Variants in IL1RAPL1 observed in about 807,000 individuals in gnomAD.
IL1RAPL1 encodes interleukin 1 receptor accessory protein like 1, also known as interleukin-1 receptor accessory protein-like 1.
IL1RAPL1 carries 3 observed loss-of-function variants against 48.4 expected under a neutral mutation model. The observed-to-expected ratio is 0.06, with a 90% CI of 0.03 to 0.16. The LOEUF is 0.16. IL1RAPL1 is among the 10% of genes least tolerant of loss of function. The pLI is 1.00. For missense variants in IL1RAPL1, 349 were observed against 530.6 expected (o/e 0.66, Z 3.36); for synonymous variants, 185 against 187.7 (o/e 0.99, Z 0.12).
intron 6 of IL1RAPL1, among the ~76,000 whole-genome samples, chrX:29,842,391 G>T (rs1434763732): frequency 9.0e-6 from 1 of 111,698 alleles, no homozygotes; most frequent in Non-Finnish European, 1.9e-5. Context: ...ATGAATTCAG[G>T]CTGTGGAAAT....
In IL1RAPL1 at chrX:29,302,451, C is replaced by T. The variant is rs1269436243; in HGVS notation, c.362+19234C>T. Among the ~76,000 whole-genome samples the T allele has an allele frequency of 1.3e-4, 15 of 111,594 alleles. No individual in the cohort carries two copies. The Admixed American group carries it at 1.4e-3, about 11-fold the overall frequency. The stretch of plus-strand genomic sequence containing the variant: ...GTTCTGATACAGAAGTAAAACTTAC[C>T]TGGATGAAATAAGGAGATGAAAAAG... On this transcript the variant is annotated intron_variant, in intron 3 of 10. Transcript: ENST00000378993.
At chrX:28,665,030 T>C (rs1262615217) in intron 1 of IL1RAPL1, among the ~76,000 whole-genome samples, 1 of 112,283 alleles carries the variant, frequency 8.9e-6, no homozygotes, top group Non-Finnish European at 1.9e-5. Flanking sequence ...AAATAAATAA[T>C]GTCCATTGAA....
chrX:28,815,839 G>GTATATATATATATATA (rs61436993), intron 2 of IL1RAPL1, among the ~76,000 whole-genome samples: 13 of 29,103 alleles, frequency 4.5e-4, no homozygotes, highest in Admixed American at 1.4e-3. Context: ...GTGTGTTTAT[G>GTATATATATATATATA]TATATATATA....
chrX:29,138,732 C>G (rs1483529179), intron 2 of IL1RAPL1, among the ~76,000 whole-genome samples: 16 of 104,805 alleles, frequency 1.5e-4, no homozygotes, highest in African/African-American at 5.6e-4. Flanking sequence ...AGCTGAGATC[C>G]CGCCACTGCA....
At chrX:29,191,327 A>G (rs1256934394) in intron 2 of IL1RAPL1, among the ~76,000 whole-genome samples, 3 of 111,992 alleles carry the variant, frequency 2.7e-5, no homozygotes, top group Non-Finnish European at 5.6e-5. Flanking sequence ...GTATTGGGCT[A>G]TTGTTCCTCA....
rs868613900 is a variant in IL1RAPL1 at position 29,282,991 on chromosome X, G to A, written c.136G>A (p.Gly46Arg). ...TATCAAGAAATATCAAGTTTTGGTG[G>A]GAGAGCCTGTTCGAATCAAATGTGC... ...IDIKKYQVLV[G>R]EPVRIKCALF... Residue 46 changes from glycine to arginine, a missense_variant, in exon 3 of 11, where the codon GGA becomes AGA. By Grantham distance (125) the Gly-to-Arg change is moderately radical. This residue lies in a region of IL1RAPL1 where 238 missense variants were observed against 337.8 expected (regional missense o/e 0.70). Transcript: ENST00000378993. 8 of 1,208,559 alleles carry A rather than the reference G, an allele frequency of 6.6e-6. No individual in the cohort carries two copies. Among genetic ancestry groups the A allele is most frequent in the Admixed American group, 4.4e-5 (2 of 45,686 alleles).
At chrX:29,782,888 A>T (rs113976643) in intron 6 of IL1RAPL1, among the ~76,000 whole-genome samples, 1,198 of 31,124 alleles carry the variant, frequency 0.038, 40 homozygotes, top group African/African-American at 0.13. Flanking sequence ...TGATCGTGAC[A>T]TTTTTTTTTT....
In IL1RAPL1 at chrX:29,162,255, C is replaced by T. The variant is rs781471615; in HGVS notation, c.83-120683C>T. 8.1e-5 allele frequency among the ~76,000 whole-genome samples: 9 copies of T among 110,971 alleles called. No homozygotes were observed. The East Asian group carries it at 2.6e-3, about 32-fold the overall frequency. On this transcript the variant is annotated intron_variant, in intron 2 of 10. Transcript: ENST00000378993. ...AGAGCATTAGGACAAATAGCTAATG[C>T]ATGTGGGCTTAAAACCTAGATGATG... is the stretch of plus-strand genomic sequence containing the variant.
chrX:28,987,543 TCTTTA>T (rs1282355843), intron 2 of IL1RAPL1, among the ~76,000 whole-genome samples: 1 of 111,659 alleles, frequency 9.0e-6, no homozygotes, highest in African/African-American at 3.3e-5. Context: ...CACTTGCATT[TCTTTA>T]CTTGAACTAT....
At chrX:29,008,602 A>G (rs923644045) in intron 2 of IL1RAPL1, among the ~76,000 whole-genome samples, 4 of 112,599 alleles carry the variant, frequency 3.6e-5, no homozygotes, top group Non-Finnish European at 5.6e-5. Flanking sequence ...TTATTTTTCA[A>G]TTAAAAGTAC....
At chrX:29,207,253 G>C (rs1225562480) in intron 2 of IL1RAPL1, among the ~76,000 whole-genome samples, 1 of 111,961 alleles carries the variant, frequency 8.9e-6, no homozygotes. Context: ...AGTCATCAAA[G>C]ATAAAGTAAA....
intron 4 of IL1RAPL1, among the ~76,000 whole-genome samples, chrX:29,397,971 G>T (rs886361543): frequency 2.7e-5 from 3 of 111,716 alleles, no homozygotes; most frequent in Non-Finnish European, 5.6e-5. Flanking sequence ...CAATAATTTT[G>T]ACCTTAAGCT....
intron 6 of IL1RAPL1, among the ~76,000 whole-genome samples, chrX:29,863,754 AG>A (rs1224815461): frequency 9.0e-6 from 1 of 111,310 alleles, no homozygotes; most frequent in African/African-American, 3.3e-5. Flanking sequence ...AATTACCTGA[AG>A]GACTTGTTTC....
intron 6 of IL1RAPL1, among the ~76,000 whole-genome samples, chrX:29,834,366 T>C (rs1161770172): frequency 9.0e-6 from 1 of 111,591 alleles, no homozygotes; most frequent in Non-Finnish European, 1.9e-5. Flanking sequence ...TAGTAGTGAG[T>C]GCAACAGCAC....
intron 2 of IL1RAPL1, among the ~76,000 whole-genome samples, chrX:29,056,138 A>G (rs1187882261): frequency 8.9e-6 from 1 of 111,894 alleles, no homozygotes; most frequent in East Asian, 2.8e-4. Context: ...TAGTATAGAT[A>G]GTACTGTATC....
Position 28,897,379 on chromosome X carries a change from C to T in IL1RAPL1, c.82+107954C>T, listed in dbSNP as rs970741861. Among the ~76,000 whole-genome samples, 51 of 111,761 alleles carry T rather than the reference C, an allele frequency of 4.6e-4. 1 individual carries two copies. The highest frequency in any genetic ancestry group is 1.7e-3 in the African/African-American group (51 of 30,699). Reference sequence around the variant, plus strand: ...CAAGGGAAGACTGTCTTCCCGAGCCCGTGACCAGCACGGGAGTTTTGGGTC... The same window carrying T: ...CAAGGGAAGACTGTCTTCCCGAGCCTGTGACCAGCACGGGAGTTTTGGGTC... On this transcript the variant is annotated intron_variant, in intron 2 of 10. Coordinates refer to ENST00000378993, the MANE Select transcript of IL1RAPL1 (RefSeq NM_014271.4).
At position 29,815,269 on chromosome X, in the gene IL1RAPL1, G is replaced by C. The variant is rs552631062; in HGVS notation, c.779-102195G>C. On this transcript the variant is annotated intron_variant, in intron 6 of 10. Transcript: ENST00000378993. ...TTATGATGTATTTCAGCAGTGTTTT[G>C]TAGTTGTCCTTGTAGAGATCTTTCA... 4.5e-5 allele frequency among the ~76,000 whole-genome samples: 5 copies of C among 111,501 alleles called. No homozygotes were observed. In the East Asian group the frequency reaches 1.1e-3, roughly 25 times the overall value.
At chrX:29,867,716 C>T (rs930045111) in intron 6 of IL1RAPL1, among the ~76,000 whole-genome samples, 18 of 112,323 alleles carry the variant, frequency 1.6e-4, no homozygotes, top group African/African-American at 5.2e-4. Context: ...TCCTAGAATT[C>T]GAAGCACTGA....
intron 6 of IL1RAPL1, among the ~76,000 whole-genome samples, chrX:29,695,321 G>T (rs5972700): frequency 0.24 from 26,138 of 110,917 alleles, 3,725 homozygotes; most frequent in African/African-American, 0.54. Context: ...ATAGTATTCA[G>T]TGATATGCTA....
Sources: allele counts gnomAD v4.1 joint callset (sites outside exome capture counted in the v4.1 genomes callset), GRCh38; gene constraint gnomAD v4.1.1; regional missense constraint gnomAD v4.1.1; transcripts MANE v1.5; gene names NCBI Gene and HGNC (gene_info 2026-07-23, HGNC 2026-07-21).